RABGAP1L: variants seen among roughly 807,000 people sequenced by gnomAD.
The protein encoded by RABGAP1L is RAB GTPase activating protein 1 like.
RABGAP1L carries 63 observed loss-of-function variants against 137.7 expected under a neutral mutation model. That is an observed-to-expected ratio of 0.46 (90% CI 0.37 to 0.56). RABGAP1L has a LOEUF of 0.56. Among genes scored for constraint, RABGAP1L ranks in the 20% least tolerant of loss-of-function variants. The pLI is 0.00. For missense variants in RABGAP1L, 1,095 were observed against 1,244.0 expected (o/e 0.88, Z 1.80); for synonymous variants, 431 against 433.7 (o/e 0.99, Z 0.08).
At position 174,482,867 on chromosome 1, in the gene RABGAP1L, G is replaced by C. The variant is rs550293164; in HGVS notation, c.1710+88722G>C. 3.0e-4 allele frequency among the ~76,000 whole-genome samples: 46 copies of C among 152,272 alleles called. 1 individual carries two copies. Among genetic ancestry groups the C allele is most frequent in the African/African-American group, 1.1e-3 (45 of 41,560 alleles). ...TTGAAAAAGATACCTCTGTTGTTCA[G>C]TGGGGCTGCTACATAGTAGAAGCTC... On this transcript the variant is annotated intron_variant, in intron 13 of 25. Coordinates refer to ENST00000681986, the MANE Select transcript of RABGAP1L (RefSeq NM_001366446.1).
intron 19 of RABGAP1L, among the ~76,000 whole-genome samples, chr1:174,840,646 A>C (rs1290474512): frequency 6.6e-6 from 1 of 150,834 alleles, no homozygotes; most frequent in Non-Finnish European, 1.5e-5. Flanking sequence ...AAAAAAAAAA[A>C]ACAAAAAAAA....
At chr1:174,350,190 C>G in intron 11 of RABGAP1L, among the ~76,000 whole-genome samples, 1 of 42,422 alleles carries the variant, frequency 2.4e-5, no homozygotes, top group African/African-American at 2.8e-4. Context: ...GGGGGGCTGA[C>G]CCCCCCCCCA....
At chr1:174,629,076 T>C (rs764366082) in intron 13 of RABGAP1L, among the ~76,000 whole-genome samples, 5 of 152,204 alleles carry the variant, frequency 3.3e-5, no homozygotes, top group East Asian at 1.9e-4. Context: ...GGAATTAATA[T>C]TGAGGAGAAA....
chr1:174,956,262 C>T (rs1198197327), intron 19 of RABGAP1L, among the ~76,000 whole-genome samples: 1 of 151,738 alleles, frequency 6.6e-6, no homozygotes, highest in Admixed American at 6.6e-5. Flanking sequence ...AGTAAGTGGC[C>T]GTCATAGTGC....
chr1:174,499,512 A>G (rs1407863844), intron 13 of RABGAP1L, among the ~76,000 whole-genome samples: 2 of 152,218 alleles, frequency 1.3e-5, no homozygotes, highest in African/African-American at 2.4e-5. Context: ...TTGGATACCT[A>G]GAAACATGGA....
intron 20 of RABGAP1L, among the ~76,000 whole-genome samples, chr1:174,962,384 G>A (rs1295553041): frequency 6.6e-6 from 1 of 152,022 alleles, no homozygotes; most frequent in Non-Finnish European, 1.5e-5. Flanking sequence ...TCCATGTTCA[G>A]TACAATTAAA....
chr1:174,522,094 A>G (rs1663451671), intron 13 of RABGAP1L, among the ~76,000 whole-genome samples: 1 of 150,240 alleles, frequency 6.7e-6, no homozygotes, highest in Non-Finnish European at 1.5e-5. Flanking sequence ...AAAAAAAAGT[A>G]GTAGTTGGTT....
intron 12 of RABGAP1L, among the ~76,000 whole-genome samples, chr1:174,384,010 C>G (rs1686492656): frequency 6.6e-6 from 1 of 152,066 alleles, no homozygotes; most frequent in East Asian, 1.9e-4. Context: ...CATAATCACC[C>G]CAAACTGCAA....
intron 1 of RABGAP1L, among the ~76,000 whole-genome samples, chr1:174,171,350 A>G (rs1665365565): frequency 6.6e-6 from 1 of 152,178 alleles, no homozygotes; most frequent in African/African-American, 2.4e-5. Context: ...ATGTTTTGCT[A>G]TACATATACA....
intron 24 of RABGAP1L, among the ~76,000 whole-genome samples, chr1:174,985,936 T>A (rs1671553688): frequency 6.6e-6 from 1 of 151,982 alleles, no homozygotes; most frequent in African/African-American, 2.4e-5. Flanking sequence ...AATCCTTCCT[T>A]TCTTTTTTTC....
intron 11 of RABGAP1L, among the ~76,000 whole-genome samples, chr1:174,362,746 A>G (rs1409561196): frequency 6.6e-6 from 1 of 152,130 alleles, no homozygotes; most frequent in Non-Finnish European, 1.5e-5. Context: ...CTCTGTTGAT[A>G]GTGTTTTGTT....
intron 19 of RABGAP1L, among the ~76,000 whole-genome samples, chr1:174,872,563 A>ATT (rs11321142): frequency 2.1e-5 from 3 of 143,992 alleles, no homozygotes; most frequent in Admixed American, 6.9e-5. Flanking sequence ...TTATAGTTCT[A>ATT]TTTTTTTTTT....
At chr1:174,752,022 A>G (rs2148676768) in intron 17 of RABGAP1L, among the ~76,000 whole-genome samples, 1 of 152,328 alleles carries the variant, frequency 6.6e-6, no homozygotes, top group East Asian at 1.9e-4. Flanking sequence ...TGAGCAAGGA[A>G]CTTGACTTTC....
At chr1:174,842,994 C>A (rs1353750088) in intron 19 of RABGAP1L, among the ~76,000 whole-genome samples, 1 of 152,020 alleles carries the variant, frequency 6.6e-6, no homozygotes, top group Admixed American at 6.6e-5. Flanking sequence ...GCAAAAATTC[C>A]CAACATTTTG....
chr1:174,946,468 A>C (rs930054494), intron 19 of RABGAP1L, among the ~76,000 whole-genome samples: 26 of 152,106 alleles, frequency 1.7e-4, no homozygotes, highest in Non-Finnish European at 3.7e-4. Context: ...GTGAGACCCA[A>C]TCTCTTAAAA....
intron 13 of RABGAP1L, among the ~76,000 whole-genome samples, chr1:174,596,462 T>G (rs559579213): frequency 3.5e-4 from 53 of 152,334 alleles, no homozygotes; most frequent in African/African-American, 1.2e-3. Context: ...CCTAGATAAT[T>G]TATTTGTAGC....
rs113872292 is a variant in RABGAP1L at position 174,412,669 on chromosome 1, C to T, written c.1710+18524C>T. The stretch of plus-strand genomic sequence containing the variant: ...AAAACTGGTTTAGTGGTAATGAATT[C>T]CCTTAGCACTTGCTCGTCTGAAAAA... On this transcript the variant is annotated intron_variant, in intron 13 of 25. Transcript: ENST00000681986. Among the ~76,000 whole-genome samples the T allele has an allele frequency of 1.2e-3, 186 of 152,142 alleles. 1 individual carries two copies. The highest frequency in any genetic ancestry group is 4.4e-3 in the African/African-American group (181 of 41,534).
At chr1:174,534,180 G>C (rs1243563332) in intron 13 of RABGAP1L, among the ~76,000 whole-genome samples, 1 of 136,378 alleles carries the variant, frequency 7.3e-6, no homozygotes, top group African/African-American at 3.0e-5. Context: ...GTGTGTGTGT[G>C]TGTCCCTAAA....
chr1:174,878,354 G>T (rs1216787885), intron 19 of RABGAP1L, among the ~76,000 whole-genome samples: 1 of 152,078 alleles, frequency 6.6e-6, no homozygotes, highest in Non-Finnish European at 1.5e-5. Context: ...AGCCTCCCTA[G>T]TAGCTGGGAT....
Sources: allele counts gnomAD v4.1 joint callset (sites outside exome capture counted in the v4.1 genomes callset), GRCh38; gene constraint gnomAD v4.1.1; transcripts MANE v1.5; gene names NCBI Gene and HGNC (gene_info 2026-07-23, HGNC 2026-07-21).